Variants in CNTN4 observed in about 807,000 individuals in gnomAD.
CNTN4 encodes contactin 4, also known as contactin-4.
A neutral mutation model predicts 122.5 loss-of-function variants in CNTN4; 77 were observed. That is an observed-to-expected ratio of 0.63 (90% CI 0.52 to 0.76). The LOEUF is 0.76. CNTN4 is among the 30% of genes least tolerant of loss of function. The pLI is 0.00. For missense variants in CNTN4, 1,256 were observed against 1,259.1 expected (o/e 1.00, Z 0.04); for synonymous variants, 512 against 447.0 (o/e 1.15, Z -1.83).
intron 2 of CNTN4, among the ~76,000 whole-genome samples, chr3:2,248,597 G>A (rs751288385): frequency 9.2e-5 from 14 of 151,960 alleles, no homozygotes; most frequent in Non-Finnish European, 1.6e-4. Flanking sequence ...GGGTAAACAC[G>A]ATCAATCAAA....
intron 13 of CNTN4, among the ~76,000 whole-genome samples, chr3:2,935,998 C>T (rs2094564458): frequency 6.6e-6 from 1 of 152,168 alleles, no homozygotes; most frequent in South Asian, 2.1e-4. Context: ...AAGGTTTGAG[C>T]AGGAGGAGAT....
At chr3:2,723,954 G>A (rs1338768543) in intron 4 of CNTN4, among the ~76,000 whole-genome samples, 1 of 152,150 alleles carries the variant, frequency 6.6e-6, no homozygotes, top group Admixed American at 6.5e-5. Context: ...CATAGCTCTT[G>A]TCTGTGGGTT....
At chr3:2,863,988 A>G (rs2093696868) in intron 7 of CNTN4, among the ~76,000 whole-genome samples, 1 of 152,244 alleles carries the variant, frequency 6.6e-6, no homozygotes, top group Admixed American at 6.5e-5. Context: ...TACTTTAGTC[A>G]CAAAAGCAGT....
Position 2,637,266 on chromosome 3 carries a change from T to C in CNTN4, c.55+65708T>C, listed in dbSNP as rs115604562. Among the ~76,000 whole-genome samples, 1,368 of 152,204 alleles carry C rather than the reference T, an allele frequency of 9.0e-3. 24 individuals are homozygous for C. The highest frequency in any genetic ancestry group is 0.032 in the African/African-American group (1,318 of 41,516). ...CTCCATTTTCTTTACATACACAAGGTGCTTAAACCATTTTTTTAAATAAGC... is the reference window on the plus strand; with the variant it reads ...CTCCATTTTCTTTACATACACAAGGCGCTTAAACCATTTTTTTAAATAAGC... On this transcript the variant is annotated intron_variant, in intron 4 of 24. Transcript: ENST00000418658.
chr3:2,945,910 T>C (rs2094672386), intron 13 of CNTN4, among the ~76,000 whole-genome samples: 1 of 152,230 alleles, frequency 6.6e-6, no homozygotes, highest in South Asian at 2.1e-4. Flanking sequence ...TTTGGAATTT[T>C]TCAAAAGTGA....
intron 3 of CNTN4, among the ~76,000 whole-genome samples, chr3:2,348,822 A>G (rs2044501166): frequency 6.6e-6 from 1 of 152,200 alleles, no homozygotes; most frequent in African/African-American, 2.4e-5. Flanking sequence ...ACAAGAATTA[A>G]TACCAGGTCT....
chr3:2,153,072 T>G (rs1321282885), intron 2 of CNTN4, among the ~76,000 whole-genome samples: 1 of 152,202 alleles, frequency 6.6e-6, no homozygotes, highest in African/African-American at 2.4e-5. Flanking sequence ...TGGTCTGTTA[T>G]GCAGAAGTTT....
intron 3 of CNTN4, among the ~76,000 whole-genome samples, chr3:2,451,330 T>G (rs1344574768): frequency 1.3e-5 from 2 of 152,022 alleles, no homozygotes; most frequent in African/African-American, 4.8e-5. Flanking sequence ...ATGTCTTTTG[T>G]AGGATTATAC....
chr3:2,447,367 TTAA>T (rs1221475097), intron 3 of CNTN4, among the ~76,000 whole-genome samples: 2 of 152,176 alleles, frequency 1.3e-5, no homozygotes, highest in Non-Finnish European at 2.9e-5. Flanking sequence ...TAATAAAGAC[TTAA>T]TAATTATTTG....
intron 4 of CNTN4, among the ~76,000 whole-genome samples, chr3:2,663,233 A>C (rs1188761729): frequency 6.6e-6 from 1 of 152,224 alleles, no homozygotes; most frequent in Non-Finnish European, 1.5e-5. Flanking sequence ...ATTGAACTAG[A>C]ATCAAAAAAG....
intron 2 of CNTN4, among the ~76,000 whole-genome samples, chr3:2,187,979 A>C (rs575112821): frequency 6.6e-6 from 1 of 152,062 alleles, no homozygotes; most frequent in Non-Finnish European, 1.5e-5. Flanking sequence ...AAGCAAATCA[A>C]GTGGGTTTTA....
At chr3:2,169,722 G>T (rs1308768614) in intron 2 of CNTN4, among the ~76,000 whole-genome samples, 1 of 152,112 alleles carries the variant, frequency 6.6e-6, no homozygotes, top group Admixed American at 6.5e-5. Flanking sequence ...TATTATGAAA[G>T]ATATGAAAAA....
rs535863789 is a variant in CNTN4 at position 2,370,186 on chromosome 3, C to T, written c.-89+30953C>T. Among the ~76,000 whole-genome samples the T allele has an allele frequency of 2.6e-5, 4 of 152,238 alleles. No individual in the cohort carries two copies. The South Asian group carries it at 8.3e-4, about 32-fold the overall frequency. On this transcript the variant is annotated intron_variant, in intron 3 of 24. Coordinates refer to ENST00000418658, the MANE Select transcript of CNTN4 (RefSeq NM_175607.3). ...TGAGGCCAGCAGAGAGCTTAGTTAT[C>T]CACATCTAAAGGCCCCATGTCACAA...
intron 4 of CNTN4, among the ~76,000 whole-genome samples, chr3:2,601,477 T>G (rs1042709587): frequency 3.9e-5 from 6 of 152,214 alleles, no homozygotes; most frequent in Non-Finnish European, 8.8e-5. Flanking sequence ...TCATTCCTTG[T>G]TTTTGTCAGG....
intron 4 of CNTN4, among the ~76,000 whole-genome samples, chr3:2,668,808 G>A (rs2084325880): frequency 6.6e-6 from 1 of 152,204 alleles, no homozygotes; most frequent in Non-Finnish European, 1.5e-5. Flanking sequence ...ATGAAGGGCT[G>A]TTGAATTTTG....
chr3:2,957,597 C>CCTTCCCCA (rs2094813718), intron 13 of CNTN4, among the ~76,000 whole-genome samples: 1 of 152,152 alleles, frequency 6.6e-6, no homozygotes. Flanking sequence ...CCCCTCCCCA[C>CCTTCCCCA]CTTCCCCACT....
At chr3:2,979,891 T>G (rs1693794163) in intron 13 of CNTN4, among the ~76,000 whole-genome samples, 1 of 152,180 alleles carries the variant, frequency 6.6e-6, no homozygotes, top group Non-Finnish European at 1.5e-5. Flanking sequence ...GCAGTTAGGC[T>G]TCCTGCTGAA....
chr3:3,003,222 G>C (rs1696224071), intron 14 of CNTN4, among the ~76,000 whole-genome samples: 1 of 152,122 alleles, frequency 6.6e-6, no homozygotes, highest in Non-Finnish European at 1.5e-5. Flanking sequence ...AAAATGTTTT[G>C]TTTTAGATAC....
chr3:2,241,692 A>G (rs1290906900), intron 2 of CNTN4, among the ~76,000 whole-genome samples: 4 of 152,180 alleles, frequency 2.6e-5, no homozygotes, highest in African/African-American at 9.7e-5. Flanking sequence ...TTCTCTCTGT[A>G]TCTGCCTCCC....
Sources: gnomAD v4.1 joint callset for allele counts (sites outside exome capture counted in the v4.1 genomes callset) on GRCh38, gnomAD v4.1.1 for gene constraint, MANE v1.5 for transcripts, NCBI Gene and HGNC (gene_info 2026-07-23, HGNC 2026-07-21) for gene names.